The following ENTREP2 variants were observed in gnomAD, a reference collection of about 807,000 sequenced individuals.
ENTREP2 encodes endosomal transmembrane epsin interactor 2.
the ENTREP2 span, among the ~76,000 whole-genome samples, chr15:29,287,965 G>A: frequency 6.6e-6 from 1 of 152,210 alleles, no homozygotes; most frequent in South Asian, 2.1e-4. Context: ...ACACTCATTC[G>A]TCACAGAGAT....
chr15:29,281,077 C>T, the ENTREP2 span, among the ~76,000 whole-genome samples: 1 of 152,104 alleles, frequency 6.6e-6, no homozygotes, highest in African/African-American at 2.4e-5. Context: ...ACATTTACCT[C>T]TAAGCAAATT....
At chr15:29,619,487 G>A in the ENTREP2 span, among the ~76,000 whole-genome samples, 1 of 152,010 alleles carries the variant, frequency 6.6e-6, no homozygotes, top group South Asian at 2.1e-4. Context: ...TAAATAACTC[G>A]CTAAATATCC....
the ENTREP2 span, among the ~76,000 whole-genome samples, chr15:29,215,180 T>C: frequency 3.3e-5 from 5 of 152,322 alleles, no homozygotes; most frequent in African/African-American, 1.2e-4. Context: ...AGGCCTTTTA[T>C]CATTTGTGAT....
the ENTREP2 span, among the ~76,000 whole-genome samples, chr15:29,537,243 C>A: frequency 6.6e-6 from 1 of 152,162 alleles, no homozygotes. Flanking sequence ...CCTAAAGGAG[C>A]CAATGCCCAC....
At chr15:29,354,149 G>A in the ENTREP2 span, among the ~76,000 whole-genome samples, 2,105 of 152,292 alleles carry the variant, frequency 0.014, 48 homozygotes, top group African/African-American at 0.047. Flanking sequence ...GAGGAAGGGC[G>A]CCGTCTCTCT....
At chr15:29,539,473 G>A in the ENTREP2 span, among the ~76,000 whole-genome samples, 1 of 152,014 alleles carries the variant, frequency 6.6e-6, no homozygotes, top group African/African-American at 2.4e-5. Context: ...ATCAGCAGGA[G>A]CCCCTGAATA....
the ENTREP2 span, among the ~76,000 whole-genome samples, chr15:29,362,050 AAC>A: frequency 6.6e-6 from 1 of 152,158 alleles, no homozygotes; most frequent in African/African-American, 2.4e-5. Context: ...GCCATAAAGA[AAC>A]ACACAGACTC....
At chr15:29,525,066 C>T in the ENTREP2 span, among the ~76,000 whole-genome samples, 2 of 152,178 alleles carry the variant, frequency 1.3e-5, no homozygotes, top group Admixed American at 6.5e-5. Flanking sequence ...TTACAAGCCC[C>T]GTGTTTAAAG....
chr15:29,286,967 T>C, the ENTREP2 span, among the ~76,000 whole-genome samples: 1 of 152,182 alleles, frequency 6.6e-6, no homozygotes, highest in Non-Finnish European at 1.5e-5. Context: ...TTCGGGCCAC[T>C]ATGGGATTCT....
chr15:29,649,786 G>C, the ENTREP2 span, among the ~76,000 whole-genome samples: 1 of 151,030 alleles, frequency 6.6e-6, no homozygotes, highest in African/African-American at 2.4e-5. Flanking sequence ...AAATAGAAAT[G>C]CTGGCTAAAA....
At chr15:29,121,159 T>A in the ENTREP2 span, 1 of 152,306 alleles carries the variant, frequency 6.6e-6, no homozygotes, top group African/African-American at 2.4e-5. Context: ...GAAGGTGGGG[T>A]GCAGGTGAGG....
At chr15:29,301,590 G>T in the ENTREP2 span, among the ~76,000 whole-genome samples, 24,672 of 152,138 alleles carry the variant, frequency 0.16, 3,352 homozygotes, top group African/African-American at 0.38. Flanking sequence ...TTTGACTAAG[G>T]AGAGGCATGG....
At chr15:29,463,422 C>T in the ENTREP2 span, among the ~76,000 whole-genome samples, 2 of 152,096 alleles carry the variant, frequency 1.3e-5, no homozygotes, top group African/African-American at 4.8e-5. Context: ...TAAAACTGGG[C>T]ATGTGGCTGC....
At chr15:29,384,615 C>T in the ENTREP2 span, among the ~76,000 whole-genome samples, 4 of 152,172 alleles carry the variant, frequency 2.6e-5, no homozygotes, top group African/African-American at 9.7e-5. Flanking sequence ...CTGGGCACCT[C>T]CAGGGAGGCT....
chr15:29,463,181 G>A, the ENTREP2 span, among the ~76,000 whole-genome samples: 1 of 152,140 alleles, frequency 6.6e-6, no homozygotes, highest in Non-Finnish European at 1.5e-5. Flanking sequence ...AGCCACTGGG[G>A]CCCCAGGAGG....
At chr15:29,224,036 G>C in the ENTREP2 span, among the ~76,000 whole-genome samples, 1 of 152,198 alleles carries the variant, frequency 6.6e-6, no homozygotes, top group Admixed American at 6.5e-5. Context: ...CCAGAACGAA[G>C]CCGTGGACCC....
At chr15:29,376,394 G>A in the ENTREP2 span, 7 of 151,930 alleles carry the variant, frequency 4.6e-5, no homozygotes, top group South Asian at 8.3e-4. Flanking sequence ...TATAGAACCC[G>A]TTATAGTTTA....
the ENTREP2 span, among the ~76,000 whole-genome samples, chr15:29,144,996 C>G: frequency 1.3e-5 from 2 of 152,168 alleles, no homozygotes; most frequent in Non-Finnish European, 2.9e-5. Flanking sequence ...GTGGAGGATG[C>G]AGTCAGCTGA....
the ENTREP2 span, among the ~76,000 whole-genome samples, chr15:29,415,919 C>A: frequency 1.3e-5 from 2 of 152,090 alleles, no homozygotes; most frequent in South Asian, 4.2e-4. Flanking sequence ...GAATAAAATA[C>A]CTAGAAATCC....
Sources: allele counts gnomAD v4.1 joint callset (sites outside exome capture counted in the v4.1 genomes callset), GRCh38; gene constraint gnomAD v4.1.1; transcripts MANE v1.5; gene names NCBI Gene and HGNC (gene_info 2026-07-23, HGNC 2026-07-21).